The following APC variants were observed in gnomAD, a reference collection of about 807,000 sequenced individuals.
APC encodes the protein APC regulator of Wnt signaling pathway.
APC carries 72 observed loss-of-function variants against 247.0 expected under a neutral mutation model. That is an observed-to-expected ratio of 0.29 (90% confidence interval 0.24 to 0.35). The LOEUF (loss-of-function observed/expected upper bound fraction) is 0.35, where lower values mean the gene tolerates loss of function less well. APC is among the 10% of genes least tolerant of loss of function. APC has a pLI of 1.00. For synonymous variants in APC, 1,254 were observed against 1,162.5 expected (o/e 1.08, Z -1.60); for missense variants, 3,400 against 3,360.7 (o/e 1.01, Z -0.29).
chr5:112,846,180 A>G lies in APC; in HGVS notation c.*2054A>G, dbSNP rs1436304508. The stretch of plus-strand genomic sequence containing the variant: ...TGCCAAATGTTATCTGAAATTGTCT[A>G]TGAATACCATCTACTTCTGTTGTTT... On this transcript the variant is annotated 3_prime_UTR_variant, in exon 16 of 16. Transcript: ENST00000257430. 5 of 231,700 alleles carry G rather than the reference A, an allele frequency of 2.2e-5. No individual in the cohort carries two copies. Among genetic ancestry groups the G allele is most frequent in the African/African-American group, 6.6e-5 (3 of 45,304 alleles). 14.4% of individuals were successfully genotyped at this position (231,700 alleles called of 1,614,324 possible).
At chr5:112,753,653 T>G (rs1031419175) in intron 1 of APC, among the ~76,000 whole-genome samples, 2 of 152,196 alleles carry the variant, frequency 1.3e-5, no homozygotes, top group African/African-American at 4.8e-5. Flanking sequence ...CCAGGTTTAC[T>G]GTAGATTCTA....
upstream of APC, among the ~76,000 whole-genome samples, chr5:112,734,842 G>T (rs1210831640): frequency 6.7e-6 from 1 of 150,000 alleles, no homozygotes; most frequent in Non-Finnish European, 1.5e-5. Context: ...TGAGGCTGGA[G>T]TACAGTGGTG....
At chr5:112,743,584 T>G (rs2149700041) in intron 1 of APC, among the ~76,000 whole-genome samples, 1 of 152,374 alleles carries the variant, frequency 6.6e-6, no homozygotes, top group East Asian at 1.9e-4. Flanking sequence ...TCAATTAGAT[T>G]CTTGATTTTA....
intron 8 of APC, among the ~76,000 whole-genome samples, chr5:112,802,507 G>A (rs541502546): frequency 2.2e-4 from 34 of 152,130 alleles, no homozygotes; most frequent in African/African-American, 6.7e-4. Context: ...AGATCTACTC[G>A]TAGTGCTTTG....
At chr5:112,811,081 A>G (rs1561529438) in intron 8 of APC, among the ~76,000 whole-genome samples, 2 of 152,228 alleles carry the variant, frequency 1.3e-5, no homozygotes, top group Non-Finnish European at 2.9e-5. Context: ...AGACCAGGAA[A>G]TAAAAGGAGC....
intron 11 of APC, among the ~76,000 whole-genome samples, chr5:112,823,927 G>C (rs1763394759): frequency 6.6e-6 from 1 of 152,156 alleles, no homozygotes; most frequent in Admixed American, 6.6e-5. Context: ...TGGCCTGGCT[G>C]ATTCTTATGT....
At chr5:112,823,272 C>G (rs1763322082) in intron 11 of APC, 1 of 152,548 alleles carries the variant, frequency 6.6e-6, no homozygotes, top group Admixed American at 6.6e-5. Flanking sequence ...CAAAATAAAA[C>G]CTAGACTCAG....
chr5:112,726,686 CCT>C (rs1487079949), intron 1 of APC, among the ~76,000 whole-genome samples: 2 of 152,080 alleles, frequency 1.3e-5, no homozygotes, highest in African/African-American at 2.4e-5. Flanking sequence ...CCAGTATTTC[CCT>C]GTTTCCTGTC....
At chr5:112,806,576 A>T (rs1172436166) in intron 8 of APC, among the ~76,000 whole-genome samples, 7 of 150,620 alleles carry the variant, frequency 4.6e-5, no homozygotes, top group Admixed American at 4.0e-4. Context: ...TTATTTATTT[A>T]TTTATTTATT....
chr5:112,723,394 G>T (rs910959749), intron 1 of APC, among the ~76,000 whole-genome samples: 1 of 152,038 alleles, frequency 6.6e-6, no homozygotes, highest in African/African-American at 2.4e-5. Flanking sequence ...CCTGTGAGGC[G>T]GAGGTTGCAG....
chr5:112,771,583 C>G (rs1757048555), intron 4 of APC, among the ~76,000 whole-genome samples: 1 of 152,098 alleles, frequency 6.6e-6, no homozygotes. Flanking sequence ...TATCAAGGTA[C>G]CAATGAGAAA....
intron 2 of APC, among the ~76,000 whole-genome samples, chr5:112,763,229 A>G (rs190489393): frequency 8.5e-5 from 13 of 152,224 alleles, no homozygotes; most frequent in African/African-American, 2.4e-4. Flanking sequence ...GACAAAAAAA[A>G]TCAAAATCAA....
In APC at chr5:112,839,641, C is replaced by T. The variant is rs1561589419; in HGVS notation, c.4047C>T (p.His1349=). The part of the protein sequence containing the change: ...GSSLSSESAR[H]KAVEFSSGAK... The stretch of plus-strand genomic sequence containing the variant: ...GTTTATCTTCAGAATCAGCCAGGCA[C>T]AAAGCTGTTGAATTTTCTTCAGGAG... The change falls in exon 16 of 16, where the codon CAC becomes CAT. Residue 1349 remains histidine (H), a synonymous_variant. Coordinates refer to ENST00000257430, the MANE Select transcript of APC (RefSeq NM_000038.6). This position sits in a 1 kb window ranked among gnomAD's most constrained non-coding sequence, Gnocchi z 5.0. The T allele has an allele frequency of 1.9e-6, 3 of 1,614,146 alleles. No homozygotes were observed. The highest frequency in any genetic ancestry group is 2.5e-6 in the Non-Finnish European group (3 of 1,180,016).
intron 8 of APC, among the ~76,000 whole-genome samples, chr5:112,805,664 C>T (rs1761305289): frequency 6.6e-6 from 1 of 152,198 alleles, no homozygotes; most frequent in African/African-American, 2.4e-5. Flanking sequence ...GATCTATACA[C>T]ATGATCGCCT....
chr5:112,757,510 ATTGT>A (rs1755118727), intron 2 of APC, among the ~76,000 whole-genome samples: 1 of 152,094 alleles, frequency 6.6e-6, no homozygotes, highest in South Asian at 2.1e-4. Context: ...AAGCAGAAAG[ATTGT>A]TTGAGCTCAG....
chr5:112,841,388 A>T lies in APC; in HGVS notation c.5794A>T (p.Thr1932Ser), dbSNP rs777604445. 4.3e-5 allele frequency: 69 copies of T among 1,613,740 alleles called. No individual in the cohort carries two copies. The highest frequency in any genetic ancestry group is 5.3e-5 in the Non-Finnish European group (63 of 1,179,712). ...QPKPILQKQS[T>S]FPQSSKDIPD... is the part of the protein sequence containing the mutation. ...TAAACCCATACTTCAGAAACAATCC[A>T]CTTTTCCCCAGTCATCCAAAGACAT... Residue 1932 changes from threonine to serine, a missense_variant, in exon 16 of 16, where the codon ACT becomes TCT. This residue lies in a region of APC where 1,788 missense variants were observed against 1,649.5 expected (regional missense o/e 1.08). Coordinates refer to ENST00000257430, the MANE Select transcript of APC (RefSeq NM_000038.6). This position sits in a 1 kb window ranked among gnomAD's most constrained non-coding sequence, Gnocchi z 4.6.
chr5:112,814,215 A>T (rs1165712551), intron 8 of APC, among the ~76,000 whole-genome samples: 1 of 152,178 alleles, frequency 6.6e-6, no homozygotes, highest in Non-Finnish European at 1.5e-5. Context: ...CATTTCCTTA[A>T]TTATTAATGA....
intron 2 of APC, among the ~76,000 whole-genome samples, chr5:112,764,488 A>T (rs1193397640): frequency 6.6e-6 from 1 of 152,212 alleles, no homozygotes; most frequent in Non-Finnish European, 1.5e-5. Context: ...GCTGGAGGAG[A>T]AAGAGAAGGC....
Position 112,844,078 on chromosome 5 carries a change from C to T in APC, c.8484C>T (p.Thr2828=), listed in dbSNP as rs864622473. 2 of 1,608,804 alleles carry T rather than the reference C, an allele frequency of 1.2e-6. No individual in the cohort carries two copies. Among genetic ancestry groups the T allele is most frequent in the Middle Eastern group, 1.7e-4 (1 of 6,046 alleles). ...CTGACAGCACAGAATCCAGTGGAAC[C>T]CAAAGTCCTAAGCGCCATTCTGGGT... The part of the protein sequence containing the change: ...SKTDSTESSG[T]QSPKRHSGSY... The change falls in exon 16 of 16, where the codon ACC becomes ACT. Residue 2828 remains threonine (T), a synonymous_variant. Coordinates refer to ENST00000257430, the MANE Select transcript of APC (RefSeq NM_000038.6).
Sources: allele counts gnomAD v4.1 joint callset (sites outside exome capture counted in the v4.1 genomes callset), GRCh38; gene constraint gnomAD v4.1.1; regional missense constraint gnomAD v4.1.1; non-coding constraint Gnocchi (gnomAD v3.1); transcripts MANE v1.5; gene names NCBI Gene and HGNC (gene_info 2026-07-23, HGNC 2026-07-21).